ABL1: variants seen among roughly 807,000 people sequenced by gnomAD.
The protein encoded by ABL1 is ABL proto-oncogene 1, non-receptor tyrosine kinase.
ABL1 carries 11 observed loss-of-function variants against 94.7 expected under a neutral mutation model. That is an observed-to-expected ratio of 0.12 (90% CI 0.07 to 0.19). ABL1 has a LOEUF of 0.19. Ranked by LOEUF, ABL1 falls within the 10% of genes least tolerant of loss-of-function variation. The probability of loss-of-function intolerance (pLI) is 1.00; values close to 1 mark genes in which losing one functional copy is unlikely to be tolerated. For missense variants in ABL1, 1,082 were observed against 1,489.4 expected, an observed-to-expected ratio of 0.73 and a Z score of 4.50; for synonymous variants, 656 against 622.4, an observed-to-expected ratio of 1.05 and a Z score of -0.80.
At position 130,761,829 on chromosome 9, in the gene ABL1, A is replaced by G. The variant is rs372376299; in HGVS notation, c.136+47374A>G. ...TTATATTCATCACATTACAAAATAA[A>G]TAAATGCTCATTATTTAATAAGAAA... On this transcript the variant is annotated intron_variant, in intron 1 of 10. Transcript: ENST00000372348. Among the ~76,000 whole-genome samples the G allele has an allele frequency of 3.3e-5, 5 of 152,308 alleles. No individual in the cohort carries two copies. The East Asian group carries it at 5.8e-4, about 18-fold the overall frequency.
chr9:130,749,526 A>G (rs1315034171), intron 1 of ABL1, among the ~76,000 whole-genome samples: 4 of 152,250 alleles, frequency 2.6e-5, no homozygotes, highest in Non-Finnish European at 5.9e-5. Context: ...TACGGGCTTT[A>G]GAGTATGTTG....
chr9:130,846,596 A>G (rs1163136795), intron 1 of ABL1, among the ~76,000 whole-genome samples: 2 of 152,232 alleles, frequency 1.3e-5, no homozygotes, highest in African/African-American at 4.8e-5. Flanking sequence ...AATGCTCCAT[A>G]GCTGGCCGCC....
At position 130,797,178 on chromosome 9, in the gene ABL1, G is replaced by A. The variant is rs542333729; in HGVS notation, c.137-56886G>A. On this transcript the variant is annotated intron_variant, in intron 1 of 10. Transcript: ENST00000372348. ...TTGAACCCAGGCGGCAAAGGTTGCG[G>A]TGAGCCGAGATCGCGCCACTGCATT... 1.4e-3 allele frequency among the ~76,000 whole-genome samples: 213 copies of A among 147,510 alleles called. 2 individuals are homozygous for A. Among genetic ancestry groups the A allele is most frequent in the South Asian group, 2.5e-3 (12 of 4,708 alleles).
intron 1 of ABL1, among the ~76,000 whole-genome samples, chr9:130,757,868 TAAAA>T (rs1564281440): frequency 6.6e-6 from 1 of 151,904 alleles, no homozygotes; most frequent in East Asian, 2.0e-4. Context: ...GTGTCTCAAA[TAAAA>T]AGAAAGAAAA....
intron 1 of ABL1, among the ~76,000 whole-genome samples, chr9:130,754,814 C>T (rs1048079007): frequency 6.6e-6 from 1 of 152,042 alleles, no homozygotes; most frequent in Non-Finnish European, 1.5e-5. Flanking sequence ...AACAAGCGGA[C>T]TAGGGAATAG....
At chr9:130,883,154 G>A (rs1048142853) in intron 10 of ABL1, among the ~76,000 whole-genome samples, 9 of 152,100 alleles carry the variant, frequency 5.9e-5, no homozygotes, top group African/African-American at 1.4e-4. Context: ...GGTGAAGCAC[G>A]TGTCACGCTT....
intron 1 of ABL1, among the ~76,000 whole-genome samples, chr9:130,728,108 C>T (rs1346754199): frequency 6.6e-6 from 1 of 152,084 alleles, no homozygotes; most frequent in East Asian, 1.9e-4. Flanking sequence ...CTCTGTCACT[C>T]AGGCTGGAGT....
chr9:130,829,423 G>A (rs1415389387), intron 1 of ABL1, among the ~76,000 whole-genome samples: 42 of 152,080 alleles, frequency 2.8e-4, no homozygotes, highest in Admixed American at 2.8e-3. Context: ...TTAGCAGGGC[G>A]TGGTGGCGGT....
chr9:130,765,274 G>T lies in ABL1; in HGVS notation c.136+50819G>T, dbSNP rs147364737. Among the ~76,000 whole-genome samples, 498 of 152,188 alleles carry T rather than the reference G, an allele frequency of 3.3e-3. 2 individuals are homozygous for T. Among genetic ancestry groups the T allele is most frequent in the African/African-American group, 0.011 (471 of 41,524 alleles). On this transcript the variant is annotated intron_variant, in intron 1 of 10. Coordinates refer to the ABL1 transcript ENST00000372348. ...GGTTTTTTCAGAGGTACAAGGGGAG[G>T]CTTTGGTTTGGTTATGACAGTGCTA...
intron 1 of ABL1, among the ~76,000 whole-genome samples, chr9:130,771,756 T>TTTCTTTCTTTCTTTCTTAC (rs1554762491): frequency 8.3e-5 from 6 of 71,910 alleles, no homozygotes; most frequent in Non-Finnish European, 1.8e-4. Context: ...TTCTTTCTTT[T>TTTCTTTCTTTCTTTCTTAC]TTTTTTTTTT....
rs539051266 is a variant in ABL1 at position 130,726,653 on chromosome 9, T to G, written c.136+12198T>G. Reference sequence around the variant, plus strand: ...TTCTTTTACTTAAAAAAATTTTTTTTTGTAGAGATAGGGTCTTGCTATGTT... The same window carrying G: ...TTCTTTTACTTAAAAAAATTTTTTTGTGTAGAGATAGGGTCTTGCTATGTT... On this transcript the variant is annotated intron_variant, in intron 1 of 10. Coordinates refer to the ABL1 transcript ENST00000372348. 3.9e-5 allele frequency among the ~76,000 whole-genome samples: 6 copies of G among 152,324 alleles called. No individual in the cohort carries two copies. In the East Asian group the frequency reaches 9.6e-4, roughly 24 times the overall value.
chr9:130,880,275 C>T lies in ABL1; in HGVS notation c.1513+118C>T, dbSNP rs1022051832. The T allele has an allele frequency of 3.3e-6, 4 of 1,222,254 alleles. No homozygotes were observed. The highest frequency in any genetic ancestry group is 2.4e-6 in the Non-Finnish European group (2 of 836,450). The allele number at this position is 1,222,254 out of a possible 1,614,324, so 75.7% of individuals were successfully genotyped here. On this transcript the variant is annotated intron_variant, in intron 9 of 10. Coordinates refer to ENST00000318560, the MANE Select transcript of ABL1 (RefSeq NM_005157.6). The surrounding 1 kb of genome is among the most constrained non-coding windows in gnomAD (Gnocchi z 4.4). ...GTTCACAGACCAGCCTGTCCTGAGACCAGAAAGCTGGGCAGAGGTGTGGAG... is the reference window on the plus strand; with the variant it reads ...GTTCACAGACCAGCCTGTCCTGAGATCAGAAAGCTGGGCAGAGGTGTGGAG...
At chr9:130,881,022 A>G (rs1831443738) in intron 10 of ABL1, among the ~76,000 whole-genome samples, 1 of 152,238 alleles carries the variant, frequency 6.6e-6, no homozygotes, top group Non-Finnish European at 1.5e-5. Flanking sequence ...CTGCGTGACA[A>G]GCAGCTCACG....
intron 1 of ABL1, among the ~76,000 whole-genome samples, chr9:130,757,519 ACC>A (rs1832055908): frequency 1.4e-5 from 2 of 143,598 alleles, no homozygotes; most frequent in African/African-American, 5.2e-5. Context: ...CTAAGGTTGA[ACC>A]ACTGTACTCC....
intron 1 of ABL1, among the ~76,000 whole-genome samples, chr9:130,768,527 G>T (rs1272377031): frequency 6.6e-6 from 1 of 152,206 alleles, no homozygotes; most frequent in African/African-American, 2.4e-5. Flanking sequence ...CCTCCCCAGA[G>T]CCCTTGCATC....
At chr9:130,871,941 G>C (rs1831257501) in intron 4 of ABL1, among the ~76,000 whole-genome samples, 188 bp from the exon 5 acceptor site, 1 of 152,240 alleles carries the variant, frequency 6.6e-6, no homozygotes, top group East Asian at 1.9e-4. Context: ...CCCCAAAGGG[G>C]AAAATTCTTT....
intron 8 of ABL1, 142 bp from the exon 9 acceptor site, chr9:130,879,926 T>A: frequency 1.3e-6 from 1 of 741,054 alleles, no homozygotes; most frequent in Non-Finnish European, 2.4e-6. Flanking sequence ...ATGATGACAT[T>A]CATCGTTTTG....
intron 1 of ABL1, among the ~76,000 whole-genome samples, chr9:130,818,389 G>C (rs1830316731): frequency 6.6e-6 from 1 of 152,170 alleles, no homozygotes; most frequent in Non-Finnish European, 1.5e-5. Context: ...AGAATCACTT[G>C]AACCCTGGAG....
intron 1 of ABL1, among the ~76,000 whole-genome samples, chr9:130,726,262 C>G (rs1831584827): frequency 6.6e-6 from 1 of 152,162 alleles, no homozygotes; most frequent in Non-Finnish European, 1.5e-5. Context: ...ATTCCACTAT[C>G]TTGCTTAAGA....
Sources: gnomAD v4.1 joint callset for allele counts (sites outside exome capture counted in the v4.1 genomes callset) on GRCh38, gnomAD v4.1.1 for gene constraint, Gnocchi (gnomAD v3.1) non-coding constraint, MANE v1.5 for transcripts, NCBI Gene and HGNC (gene_info 2026-07-23, HGNC 2026-07-21) for gene names.